Variants in USP30 observed in about 807,000 individuals in gnomAD.
USP30 encodes the protein ubiquitin specific peptidase 30, also known as ubiquitin carboxyl-terminal hydrolase 30.
USP30 carries 41 observed loss-of-function variants against 68.2 expected under a neutral mutation model. The ratio of observed to expected loss-of-function variants is 0.60; its 90% CI spans 0.47 to 0.78. USP30 has a LOEUF of 0.78. USP30 is among the 30% of genes least tolerant of loss of function. The pLI is 0.00. For missense variants in USP30, 522 were observed against 649.4 expected, an observed-to-expected ratio of 0.80 and a Z score of 2.13; for synonymous variants, 229 against 253.7, an observed-to-expected ratio of 0.90 and a Z score of 0.93.
chr12:109,046,092 CTTTTTTTTTTT>C (rs34629352), intron 3 of USP30, among the ~76,000 whole-genome samples: 69 of 46,770 alleles, frequency 1.5e-3, no homozygotes, highest in African/African-American at 4.1e-3. Context: ...GGAAGTCAGT[CTTTTTTTTTTT>C]TTTTTTTTTT....
chr12:109,072,844 C>T (rs2041487390), intron 6 of USP30, among the ~76,000 whole-genome samples: 1 of 152,238 alleles, frequency 6.6e-6, no homozygotes, highest in Non-Finnish European at 1.5e-5. Flanking sequence ...CATAACAACT[C>T]TACAAAGTTG....
chr12:109,079,339 C>CTTTTTTTTTTTTTTTTT (rs750712233), intron 7 of USP30, among the ~76,000 whole-genome samples: 51 of 62,232 alleles, frequency 8.2e-4, no homozygotes, highest in South Asian at 1.2e-3. Flanking sequence ...TTTTCTTTTT[C>CTTTTTTTTTTTTTTTTT]TTTTTTTTTT....
At chr12:109,072,898 C>A (rs1356997059) in intron 6 of USP30, among the ~76,000 whole-genome samples, 1 of 152,160 alleles carries the variant, frequency 6.6e-6, no homozygotes, top group South Asian at 2.1e-4. Flanking sequence ...CAATTTTCCG[C>A]ACACTGAGGC....
At position 109,047,560 on chromosome 12, in the gene USP30, T is replaced by C. The variant is rs149568252; in HGVS notation, c.-135-30T>C. On this transcript the variant is annotated intron_variant, in intron 3 of 15. Coordinates refer to the USP30 transcript ENST00000392784. The stretch of plus-strand genomic sequence containing the variant: ...TGGACAAACACAAATACATTATACA[T>C]GTTCATGTGAAAGCATCTTGTTTTT... 2.0e-5 allele frequency: 3 copies of C among 152,328 alleles called. 1 individual carries two copies. The highest frequency in any genetic ancestry group is 4.4e-5 in the Non-Finnish European group (3 of 68,036). The allele number at this position is 152,328 out of a possible 1,614,324, so 9.4% of individuals were successfully genotyped here. A position where few individuals can be genotyped will look rare whatever the true frequency, so the allele number is the denominator to read the frequency against.
At chr12:109,063,593 TTC>T (rs752804123) in intron 3 of USP30, among the ~76,000 whole-genome samples, 1 of 152,250 alleles carries the variant, frequency 6.6e-6, no homozygotes. Context: ...CAAATGGTAA[TTC>T]TGTTTAATTT....
Position 109,052,724 on chromosome 12 carries a change from GC to G in USP30, c.48del (p.Ile17SerfsTer16). On this transcript the variant is annotated frameshift_variant, in exon 1 of 13. Coordinates refer to ENST00000257548, the MANE Select transcript of USP30 (RefSeq NM_032663.5). LOFTEE classifies it high-confidence loss of function. Reference protein sequence around the residue: ...AEAAMTAADRAIQRFLRTGAA... With the variant: ...AEAAMTAADRXIQRFLRTGAA... Reference sequence around the variant, plus strand: ...GGCGGCGATGACCGCGGCCGACAGGGCCATCCAGCGCTTCCTGCGGACCGGG... The same window carrying G: ...GGCGGCGATGACCGCGGCCGACAGGGCATCCAGCGCTTCCTGCGGACCGGG... 6.8e-7 allele frequency: 1 copy of G among 1,469,238 alleles called. No homozygotes were observed. Among genetic ancestry groups the G allele is most frequent in the South Asian group, 1.4e-5 (1 of 72,608 alleles). 91.0% of individuals were successfully genotyped at this position (1,469,238 alleles called of 1,614,324 possible).
At chr12:109,025,336 G>T (rs906328597) in intron 2 of USP30, among the ~76,000 whole-genome samples, 12 of 151,760 alleles carry the variant, frequency 7.9e-5, no homozygotes, top group Admixed American at 1.3e-4. Flanking sequence ...TTATATCTAT[G>T]TAATATATTA....
chr12:109,031,194 T>C (rs553189594), intron 3 of USP30, among the ~76,000 whole-genome samples: 1 of 152,328 alleles, frequency 6.6e-6, no homozygotes, highest in African/African-American at 2.4e-5. Flanking sequence ...TTTATTAATG[T>C]GACTACACGC....
intron 1 of USP30, among the ~76,000 whole-genome samples, chr12:109,023,554 CAATAAATA>C (rs61588766): frequency 1.4e-5 from 2 of 146,378 alleles, no homozygotes; most frequent in Non-Finnish European, 3.0e-5. Flanking sequence ...AACTCTGTCT[CAATAAATA>C]AATAAATAAA....
At chr12:109,049,365 G>A (rs60060076), upstream of USP30, among the ~76,000 whole-genome samples, 2 of 152,118 alleles carry the variant, frequency 1.3e-5, no homozygotes, top group Non-Finnish European at 2.9e-5. Flanking sequence ...GTGAGAGAGA[G>A]GGGGGAACAG....
At chr12:109,035,045 A>G (rs1370262168) in intron 3 of USP30, among the ~76,000 whole-genome samples, 1 of 152,172 alleles carries the variant, frequency 6.6e-6, no homozygotes, top group African/African-American at 2.4e-5. Context: ...GATAGAATAT[A>G]GTTGGATTAT....
chr12:109,079,813 C>G (rs1267666453), intron 7 of USP30, among the ~76,000 whole-genome samples: 1 of 152,142 alleles, frequency 6.6e-6, no homozygotes, highest in Non-Finnish European at 1.5e-5. Context: ...TTCACTGTCA[C>G]TGTATATTTT....
chr12:109,059,317 C>T lies in USP30; in HGVS notation c.376+1209C>T, dbSNP rs188014966. The stretch of plus-strand genomic sequence containing the variant: ...TCAAGTGATTCTTGTGCCTCAGCCT[C>T]CTGAGTAGCTGGGATGACAGGTCTG... On this transcript the variant is annotated intron_variant, in intron 3 of 12. Transcript: ENST00000257548. Among the ~76,000 whole-genome samples, 6 of 152,132 alleles carry T rather than the reference C, an allele frequency of 3.9e-5. No homozygotes were observed. In the East Asian group the frequency reaches 1.2e-3, roughly 29 times the overall value.
At chr12:109,079,351 CTTTTTTTT>C (rs71079521) in intron 7 of USP30, among the ~76,000 whole-genome samples, 19 of 48,788 alleles carry the variant, frequency 3.9e-4, no homozygotes, top group East Asian at 6.6e-4. Context: ...TTTTTTTTTT[CTTTTTTTT>C]TTTTTTTTTT....
chr12:109,034,492 T>C (rs567339060), intron 3 of USP30, among the ~76,000 whole-genome samples: 1 of 152,274 alleles, frequency 6.6e-6, no homozygotes, highest in South Asian at 2.1e-4. Flanking sequence ...TTTGGGAGAC[T>C]GAGGTGGGAG....
chr12:109,028,277 A>G (rs555183418), intron 3 of USP30, among the ~76,000 whole-genome samples: 25 of 152,268 alleles, frequency 1.6e-4, no homozygotes, highest in African/African-American at 6.0e-4. Context: ...ATTGCTGTAA[A>G]GGAATACCTG....
At chr12:109,074,454 G>C (rs2041535015) in intron 7 of USP30, among the ~76,000 whole-genome samples, 1 of 152,210 alleles carries the variant, frequency 6.6e-6, no homozygotes, top group African/African-American at 2.4e-5. Context: ...CTGCCAGACT[G>C]TTTTCCAAAG....
intron 7 of USP30, among the ~76,000 whole-genome samples, chr12:109,074,135 T>G (rs570763201): frequency 6.6e-6 from 1 of 152,352 alleles, no homozygotes; most frequent in East Asian, 1.9e-4. Flanking sequence ...AATGTGTGGC[T>G]TTTTGTGTCT....
intron 2 of USP30, among the ~76,000 whole-genome samples, chr12:109,057,078 T>C (rs2040900120): frequency 6.6e-6 from 1 of 152,226 alleles, no homozygotes; most frequent in African/African-American, 2.4e-5. Flanking sequence ...AGTACGGCAA[T>C]TGTAGTTTTC....
Sources: gnomAD v4.1 joint callset for allele counts (sites outside exome capture counted in the v4.1 genomes callset) on GRCh38, gnomAD v4.1.1 for gene constraint, MANE v1.5 for transcripts, NCBI Gene and HGNC (gene_info 2026-07-23, HGNC 2026-07-21) for gene names.